CSMD1: variants seen among roughly 807,000 people sequenced by gnomAD.
The protein encoded by CSMD1 is CUB and sushi domain-containing protein 1.
CSMD1 carries 213 observed loss-of-function variants against 417.5 expected under a neutral mutation model. The observed-to-expected ratio is 0.51, with a 90% CI of 0.46 to 0.57. The LOEUF (loss-of-function observed/expected upper bound fraction) is 0.57. Ranked by LOEUF, CSMD1 falls within the 20% of genes least tolerant of loss-of-function variation. CSMD1 has a pLI of 0.00. For missense variants in CSMD1, 6,923 were observed against 4,529.7 expected, an observed-to-expected ratio of 1.53 and a Z score of -15.17; for synonymous variants, 2,862 against 1,736.8, an observed-to-expected ratio of 1.65 and a Z score of -16.11.
At chr8:3,727,498 C>G (rs980134537) in intron 6 of CSMD1, among the ~76,000 whole-genome samples, 2 of 152,196 alleles carry the variant, frequency 1.3e-5, no homozygotes, top group Admixed American at 6.5e-5. Context: ...AGCTAGAGCT[C>G]TCATGCACTG....
Position 4,038,721 on chromosome 8 carries a change from G to C in CSMD1, c.416-6622C>G, listed in dbSNP as rs749205613. On this transcript the variant is annotated intron_variant, in intron 3 of 69. Coordinates refer to ENST00000635120, the MANE Select transcript of CSMD1 (RefSeq NM_033225.6). ...GCTTCAAGAAAGCAATACTTATTTA[G>C]GTGATGGGAATTCTGCGCCCAATGC... Among the ~76,000 whole-genome samples the C allele has an allele frequency of 3.3e-5, 5 of 152,238 alleles. No individual in the cohort carries two copies. The East Asian group carries it at 9.7e-4, about 29-fold the overall frequency.
intron 5 of CSMD1, among the ~76,000 whole-genome samples, chr8:3,806,054 T>A (rs1047326614): frequency 1.6e-4 from 25 of 152,208 alleles, no homozygotes; most frequent in African/African-American, 6.0e-4. Flanking sequence ...CAATGGATTT[T>A]AATTTATAAT....
In CSMD1 at chr8:3,348,014, A is replaced by G; in HGVS notation, c.3452T>C (p.Leu1151Pro). The G allele has an allele frequency of 6.2e-7, 1 of 1,603,588 alleles. No homozygotes were observed. The highest frequency in any genetic ancestry group is 8.5e-7 in the Non-Finnish European group (1 of 1,174,786). Residue 1151 changes from leucine (L) to proline (P), a missense_variant, in exon 22 of 70, where the codon CTG becomes CCG. Coordinates refer to ENST00000635120, the MANE Select transcript of CSMD1 (RefSeq NM_033225.6). ...GIHLRTRSFQ[L>P]FEGDTLKVYD... is the part of the protein sequence containing the mutation. Reference sequence around the variant, plus strand: ...TACCTTTAGAGTATCTCCTTCAAACAGCTGGAAGCTTCGTGTTCTAAGGTG... The same window carrying G: ...TACCTTTAGAGTATCTCCTTCAAACGGCTGGAAGCTTCGTGTTCTAAGGTG...
rs568302611 is a variant in CSMD1 at position 4,279,429 on chromosome 8, T to C, written c.415+140524A>G. Reference sequence around the variant, plus strand: ...ATTAAATGTGAATTTTTGGCAGTATTGTCCTTGGATAAGATTCCAAGTCCC... The same window carrying C: ...ATTAAATGTGAATTTTTGGCAGTATCGTCCTTGGATAAGATTCCAAGTCCC... On this transcript the variant is annotated intron_variant, in intron 3 of 69. Transcript: ENST00000635120. 4.6e-5 allele frequency among the ~76,000 whole-genome samples: 7 copies of C among 152,236 alleles called. No homozygotes were observed. The South Asian group carries it at 1.2e-3, about 27-fold the overall frequency.
chr8:4,403,762 T>G, intron 3 of CSMD1, among the ~76,000 whole-genome samples: 1 of 152,306 alleles, frequency 6.6e-6, no homozygotes, highest in African/African-American at 2.4e-5. Flanking sequence ...GCAACTCCAC[T>G]TACGTTTCCA....
At chr8:3,460,214 A>C (rs944743239) in intron 12 of CSMD1, among the ~76,000 whole-genome samples, 3 of 152,174 alleles carry the variant, frequency 2.0e-5, no homozygotes, top group Admixed American at 2.0e-4. Context: ...ATGAGACGGG[A>C]AGATCAGCAA....
intron 57 of CSMD1, among the ~76,000 whole-genome samples, chr8:2,967,820 G>C (rs577025447): frequency 6.6e-6 from 1 of 152,192 alleles, no homozygotes; most frequent in African/African-American, 2.4e-5. Context: ...GCACAGAGAA[G>C]TCACTGTACT....
At chr8:3,781,759 A>C (rs1799199356) in intron 5 of CSMD1, among the ~76,000 whole-genome samples, 1 of 152,186 alleles carries the variant, frequency 6.6e-6, no homozygotes, top group South Asian at 2.1e-4. Flanking sequence ...TGATAGAGAC[A>C]ACAGAGGGCT....
In CSMD1 at chr8:3,830,028, T is replaced by C. The variant is rs368500428; in HGVS notation, c.819-75986A>G. Among the ~76,000 whole-genome samples the C allele has an allele frequency of 5.3e-5, 8 of 152,300 alleles. No homozygotes were observed. In the East Asian group the frequency reaches 1.2e-3, roughly 22 times the overall value. On this transcript the variant is annotated intron_variant, in intron 5 of 69. Coordinates refer to ENST00000635120, the MANE Select transcript of CSMD1 (RefSeq NM_033225.6). ...GTTAACAAGGTAAGTGGATTTCAGG[T>C]CTAACTCTTCTAATAACTTTTTGGG...
chr8:4,483,766 G>C (rs1801226426), intron 2 of CSMD1, among the ~76,000 whole-genome samples: 1 of 152,104 alleles, frequency 6.6e-6, no homozygotes, highest in South Asian at 2.1e-4. Context: ...AAATAATTAA[G>C]AACTGGTTTA....
intron 8 of CSMD1, among the ~76,000 whole-genome samples, chr8:3,594,946 C>A (rs1042611820): frequency 6.6e-6 from 1 of 152,144 alleles, no homozygotes; most frequent in Non-Finnish European, 1.5e-5. Context: ...CAGAACATCT[C>A]CTAGATGTGG....
chr8:4,887,100 A>G (rs1475945587), intron 1 of CSMD1, among the ~76,000 whole-genome samples: 2 of 152,000 alleles, frequency 1.3e-5, no homozygotes, highest in Admixed American at 6.6e-5. Context: ...TCTTTTATAT[A>G]TAAACATTTA....
At chr8:3,313,466 C>T (rs937809934) in intron 23 of CSMD1, among the ~76,000 whole-genome samples, 5 of 152,156 alleles carry the variant, frequency 3.3e-5, no homozygotes, top group Non-Finnish European at 5.9e-5. Flanking sequence ...TGAACAGACA[C>T]CTCTCAAAAG....
chr8:3,639,179 C>A (rs1229062737), intron 7 of CSMD1, among the ~76,000 whole-genome samples: 2 of 152,304 alleles, frequency 1.3e-5, no homozygotes, highest in South Asian at 4.1e-4. Flanking sequence ...TTCAAGAGGA[C>A]AGAGTAAGTC....
intron 3 of CSMD1, among the ~76,000 whole-genome samples, chr8:4,154,611 T>C (rs1050422778): frequency 1.3e-5 from 2 of 152,200 alleles, no homozygotes; most frequent in Admixed American, 1.3e-4. Flanking sequence ...TGCATGAGCC[T>C]ACAAAAGGCC....
chr8:4,725,618 G>C (rs796117312), intron 1 of CSMD1, among the ~76,000 whole-genome samples: 1 of 152,158 alleles, frequency 6.6e-6, no homozygotes, highest in Admixed American at 6.5e-5. Context: ...ACTTTTTAAA[G>C]AAGCCTCTTG....
At chr8:4,785,927 A>C (rs1328392338) in intron 1 of CSMD1, among the ~76,000 whole-genome samples, 3 of 152,152 alleles carry the variant, frequency 2.0e-5, no homozygotes, top group Non-Finnish European at 2.9e-5. Flanking sequence ...AACCCTCCTC[A>C]GTCATGCCCC....
At chr8:4,216,092 G>C (rs1012035729) in intron 3 of CSMD1, among the ~76,000 whole-genome samples, 4 of 152,132 alleles carry the variant, frequency 2.6e-5, no homozygotes, top group African/African-American at 9.7e-5. Flanking sequence ...CTATTTCTTG[G>C]CATGCAGTCC....
intron 1 of CSMD1, among the ~76,000 whole-genome samples, chr8:4,916,578 T>C (rs1806080670): frequency 6.6e-6 from 1 of 152,204 alleles, no homozygotes; most frequent in Non-Finnish European, 1.5e-5. Context: ...CCCTGCTCAA[T>C]AAATGTAAGT....
Sources: gnomAD v4.1 joint callset for allele counts (sites outside exome capture counted in the v4.1 genomes callset) on GRCh38, gnomAD v4.1.1 for gene constraint, MANE v1.5 for transcripts, NCBI Gene and HGNC (gene_info 2026-07-23, HGNC 2026-07-21) for gene names.